The following DPH5 variants were observed in gnomAD, a reference collection of about 807,000 sequenced individuals.
DPH5 encodes the protein diphthamide biosynthesis 5.
A neutral mutation model predicts 31.6 loss-of-function variants in DPH5; 31 were observed. The ratio of observed to expected loss-of-function variants is 0.98; its 90% confidence interval spans 0.74 to 1.32. The LOEUF is 1.32. Ranked by LOEUF, DPH5 falls within the 40% of genes most tolerant of loss-of-function variation. The pLI is 0.00. For missense variants in DPH5, 309 were observed against 335.7 expected, an observed-to-expected ratio of 0.92 and a Z score of 0.62; for synonymous variants, 120 against 115.0, an observed-to-expected ratio of 1.04 and a Z score of -0.28.
In DPH5 at chr1:101,021,931, G is replaced by A. The variant is rs535350361; in HGVS notation, c.136-166C>T. On this transcript the variant is annotated intron_variant, in intron 2 of 7. Coordinates refer to ENST00000370109, the MANE Select transcript of DPH5 (RefSeq NM_015958.3). ...ATCATTCAATACAACTCATCAGTAA[G>A]CCAGTACTTTATGTCATGTTGCAAT... 1.1e-3 allele frequency among the ~76,000 whole-genome samples: 173 copies of A among 152,006 alleles called. 1 individual carries two copies. Among genetic ancestry groups the A allele is most frequent in the African/African-American group, 4.1e-3 (168 of 41,444 alleles).
chr1:101,013,146 A>G (rs1659820868), intron 4 of DPH5, among the ~76,000 whole-genome samples: 1 of 152,230 alleles, frequency 6.6e-6, no homozygotes, highest in Admixed American at 6.5e-5. Context: ...TTGGAAAATG[A>G]TAGTAGCTAA....
chr1:101,000,811 C>T (rs1658803644), intron 5 of DPH5, among the ~76,000 whole-genome samples: 1 of 152,186 alleles, frequency 6.6e-6, no homozygotes, highest in Non-Finnish European at 1.5e-5. Context: ...AACACCATGG[C>T]TTTCTGAAAC....
rs556046342 is a variant in DPH5 at position 100,989,647 on chromosome 1, T to C, written c.*761A>G. On this transcript the variant is annotated 3_prime_UTR_variant, in exon 8 of 8. Coordinates refer to ENST00000370109, the MANE Select transcript of DPH5 (RefSeq NM_015958.3). ...ATTTTGTGAACATTTACTAATCTTTTATTTGCTTTTCTTGGCACTCATAAC... is the reference window on the plus strand; with the variant it reads ...ATTTTGTGAACATTTACTAATCTTTCATTTGCTTTTCTTGGCACTCATAAC... 2.0e-5 allele frequency: 3 copies of C among 152,352 alleles called. No homozygotes were observed. In the East Asian group the frequency reaches 5.8e-4, roughly 29 times the overall value. The allele number at this position is 152,352 out of a possible 1,614,324, so 9.4% of individuals were successfully genotyped here.
intron 4 of DPH5, among the ~76,000 whole-genome samples, chr1:101,007,548 C>T (rs984966757): frequency 2.6e-5 from 4 of 151,912 alleles, no homozygotes; most frequent in African/African-American, 7.3e-5. Flanking sequence ...CCCGTCTCTA[C>T]TAAAAATATG....
intron 3 of DPH5, among the ~76,000 whole-genome samples, chr1:101,014,997 C>G (rs764993957): frequency 2.0e-5 from 3 of 152,190 alleles, no homozygotes; most frequent in Non-Finnish European, 4.4e-5. Context: ...TCTACCATAT[C>G]TACAGTTACT....
At chr1:101,015,005 A>G (rs1426745382) in intron 3 of DPH5, among the ~76,000 whole-genome samples, 1 of 152,170 alleles carries the variant, frequency 6.6e-6, no homozygotes, top group African/African-American at 2.4e-5. Flanking sequence ...ATCTACAGTT[A>G]CTTCCTGCAG....
rs183730536 is a variant in DPH5, at chr1:101,014,027, A to G, written c.261-209T>C. On this transcript the variant is annotated intron_variant, in intron 3 of 7. Coordinates refer to ENST00000370109, the MANE Select transcript of DPH5 (RefSeq NM_015958.3). ...CTTCAAAATGCTGAGTTGCTACTGT[A>G]ACACTCCTAAAGCAGCCTTGGCAGC... Among the ~76,000 whole-genome samples, 91 of 152,314 alleles carry G rather than the reference A, an allele frequency of 6.0e-4. 2 individuals carry two copies. The highest frequency in any genetic ancestry group is 5.2e-3 in the Admixed American group (79 of 15,302).
intron 2 of DPH5, 122 bp from the exon 3 acceptor site, chr1:101,021,887 G>T: frequency 1.0e-6 from 1 of 968,230 alleles, no homozygotes; most frequent in Non-Finnish European, 1.5e-6. Flanking sequence ...TGCATATGTT[G>T]GCAACCACCC....
chr1:100,992,493 A>T, intron 7 of DPH5, 144 bp downstream of exon 7: 1 of 547,504 alleles, frequency 1.8e-6, no homozygotes, highest in Non-Finnish European at 3.0e-6. Flanking sequence ...GATTTAAGTT[A>T]AAGTTGGACA....
chr1:101,010,728 T>C (rs992753064), intron 4 of DPH5, among the ~76,000 whole-genome samples: 2 of 152,106 alleles, frequency 1.3e-5, no homozygotes, highest in Non-Finnish European at 2.9e-5. Context: ...TTTTAAAAAA[T>C]TGAGCAAGAG....
intron 4 of DPH5, among the ~76,000 whole-genome samples, chr1:101,009,316 A>C (rs1283541092): frequency 6.6e-6 from 1 of 152,252 alleles, no homozygotes; most frequent in East Asian, 1.9e-4. Context: ...TAACAGAACC[A>C]ATCAAAGTAG....
chr1:101,021,839 C>CACAG (rs1660476186), intron 2 of DPH5, 74 bp from the exon 3 acceptor site: 2 of 1,320,840 alleles, frequency 1.5e-6, no homozygotes, highest in African/African-American at 2.9e-5. Flanking sequence ...CACACACACA[C>CACAG]ACACACACAC....
chr1:101,007,371 T>C (rs1659308169), intron 4 of DPH5, among the ~76,000 whole-genome samples: 1 of 152,208 alleles, frequency 6.6e-6, no homozygotes, highest in African/African-American at 2.4e-5. Context: ...TCTGATTCTG[T>C]ATGTCTAAGC....
intron 2 of DPH5, among the ~76,000 whole-genome samples, chr1:101,022,279 A>G (rs1415782940): frequency 6.6e-6 from 1 of 152,270 alleles, no homozygotes; most frequent in Non-Finnish European, 1.5e-5. Flanking sequence ...TTACAGAACC[A>G]GTGAACATTC....
At chr1:100,990,819 A>G (rs1481413580) in intron 7 of DPH5, among the ~76,000 whole-genome samples, 188 bp from the exon 8 acceptor site, 1 of 152,242 alleles carries the variant, frequency 6.6e-6, no homozygotes, top group African/African-American at 2.4e-5. Context: ...ATTACCTAAT[A>G]TAAAAGAGTA....
chr1:101,000,652 A>C (rs1158770263), intron 5 of DPH5, among the ~76,000 whole-genome samples: 7 of 152,226 alleles, frequency 4.6e-5, no homozygotes, highest in Non-Finnish European at 8.8e-5. Context: ...ATCATTGCAA[A>C]GTCATCAAAA....
At chr1:100,995,329 A>G (rs1349338864) in intron 5 of DPH5, 180 bp from the exon 6 acceptor site, 2 of 465,230 alleles carry the variant, frequency 4.3e-6, no homozygotes, top group Non-Finnish European at 7.9e-6. Context: ...GCCACTAGTT[A>G]GAAAACAAAC....
In DPH5 at chr1:101,007,765, A is replaced by C. The variant is rs557443071; in HGVS notation, c.369+5945T>G. Among the ~76,000 whole-genome samples the C allele has an allele frequency of 6.2e-4, 95 of 152,022 alleles. 1 individual carries two copies. The South Asian group carries it at 8.5e-3, about 14-fold the overall frequency. On this transcript the variant is annotated intron_variant, in intron 4 of 7. Coordinates refer to ENST00000370109, the MANE Select transcript of DPH5 (RefSeq NM_015958.3). ...ACAAAAACAAAAACCAAAAAAAAAA[A>C]ACAAAGAAAAGTGCTTTATTCTCCT...
intron 3 of DPH5, among the ~76,000 whole-genome samples, chr1:101,014,940 CCT>C (rs1659964077): frequency 6.6e-6 from 1 of 152,152 alleles, no homozygotes; most frequent in African/African-American, 2.4e-5. Flanking sequence ...TGAAGTAATT[CCT>C]TCATATCTTC....
Sources: gnomAD v4.1 joint callset for allele counts (sites outside exome capture counted in the v4.1 genomes callset) on GRCh38, gnomAD v4.1.1 for gene constraint, MANE v1.5 for transcripts, NCBI Gene and HGNC (gene_info 2026-07-23, HGNC 2026-07-21) for gene names.